The following HECTD2 variants were observed in gnomAD, a reference collection of about 807,000 sequenced individuals.
The protein encoded by HECTD2 is probable E3 ubiquitin-protein ligase HECTD2.
In HECTD2, 35 loss-of-function variants were observed where a neutral mutation model predicts 103.2. The observed-to-expected ratio is 0.34, with a 90% CI of 0.26 to 0.45. The LOEUF (loss-of-function observed/expected upper bound fraction) is 0.45, where lower values mean the gene tolerates loss of function less well. Among genes scored for constraint, HECTD2 ranks in the 20% least tolerant of loss-of-function variants. HECTD2 has a pLI of 1.00. For missense variants in HECTD2, 596 were observed against 937.4 expected (o/e 0.64, Z 4.76); for synonymous variants, 281 against 329.9 (o/e 0.85, Z 1.61).
chr10:91,461,782 C>T (rs1589510109), intron 4 of HECTD2, among the ~76,000 whole-genome samples: 2 of 152,106 alleles, frequency 1.3e-5, no homozygotes, highest in Admixed American at 6.6e-5. Context: ...CTCCCGACCT[C>T]GGGTGATCCT....
At chr10:91,477,574 T>C (rs947862200) in intron 5 of HECTD2, among the ~76,000 whole-genome samples, 3 of 152,172 alleles carry the variant, frequency 2.0e-5, no homozygotes, top group Admixed American at 2.0e-4. Context: ...TATGTGTATA[T>C]GACATAAGAG....
chr10:91,460,141 A>G (rs980333069), intron 2 of HECTD2, among the ~76,000 whole-genome samples: 1 of 152,150 alleles, frequency 6.6e-6, no homozygotes, highest in Non-Finnish European at 1.5e-5. Context: ...AAGAAATGCT[A>G]AATTACATTA....
rs1168595398 is a variant in HECTD2 at position 91,487,490 on chromosome 10, C to A, written c.1095-192C>A. The A allele has an allele frequency of 6.4e-6, 4 of 622,974 alleles. No homozygotes were observed. In the African/African-American group the frequency reaches 7.3e-5, roughly 11 times the overall value. The allele number at this position is 622,974 out of a possible 1,614,324, so 38.6% of individuals were successfully genotyped here. The stretch of plus-strand genomic sequence containing the variant: ...TGCAGAGAATAAAGGCATTGCACAT[C>A]TAGTAATGATACATTCTTCACATGG... On this transcript the variant is annotated intron_variant, in intron 10 of 20. Coordinates refer to ENST00000298068, the MANE Select transcript of HECTD2 (RefSeq NM_182765.6). This position sits in a 1 kb window ranked among gnomAD's most constrained non-coding sequence, Gnocchi z 4.1.
intron 20 of HECTD2, among the ~76,000 whole-genome samples, chr10:91,511,225 TGAAG>T (rs1195000027): frequency 3.9e-5 from 6 of 152,168 alleles, no homozygotes; most frequent in African/African-American, 1.4e-4. Flanking sequence ...TCATAAAGAC[TGAAG>T]GAAAGAGTCT....
intron 1 of HECTD2, among the ~76,000 whole-genome samples, chr10:91,423,655 TGAA>T (rs1348895051): frequency 2.0e-5 from 3 of 152,154 alleles, no homozygotes; most frequent in Non-Finnish European, 4.4e-5. Context: ...TTCTGTGAAA[TGAA>T]GGAGTTAACT....
At chr10:91,452,756 A>C (rs939202644) in intron 2 of HECTD2, among the ~76,000 whole-genome samples, 2 of 152,164 alleles carry the variant, frequency 1.3e-5, no homozygotes, top group Non-Finnish European at 2.9e-5. Context: ...CAGATTTCTC[A>C]TCAGTAACCA....
chr10:91,475,534 T>TA lies in HECTD2; in HGVS notation c.601-2667_601-2666insA, dbSNP rs200095480. On this transcript the variant is annotated intron_variant, in intron 5 of 20. Transcript: ENST00000298068. ...CATAAGCTATAGATAATTGATGACT[T>TA]TAATAAGAGTCTAGTAAGACTTTAA... Among the ~76,000 whole-genome samples, 1,246 of 152,330 alleles carry TA rather than the reference T, an allele frequency of 8.2e-3. 19 individuals carry two copies. Among genetic ancestry groups the TA allele is most frequent in the African/African-American group, 0.029 (1,200 of 41,558 alleles).
intron 2 of HECTD2, among the ~76,000 whole-genome samples, chr10:91,458,221 A>C (rs1207137587): frequency 1.3e-5 from 2 of 152,026 alleles, no homozygotes; most frequent in Non-Finnish European, 2.9e-5. Flanking sequence ...GTTTAAATCT[A>C]GCAAACATTA....
chr10:91,419,422 TTGTC>T (rs1164656210), intron 1 of HECTD2, among the ~76,000 whole-genome samples: 4 of 152,298 alleles, frequency 2.6e-5, no homozygotes, highest in Admixed American at 6.5e-5. Flanking sequence ...CTCTAAGTGT[TTGTC>T]TGTTTAAATA....
chr10:91,486,070 G>A (rs536658943), intron 10 of HECTD2: 2 of 152,224 alleles, frequency 1.3e-5, no homozygotes, highest in Admixed American at 6.5e-5. Context: ...AGATGTTCAG[G>A]AGATTGCATT....
chr10:91,497,285 TTC>T (rs1564735130), intron 15 of HECTD2, among the ~76,000 whole-genome samples: 3 of 143,806 alleles, frequency 2.1e-5, no homozygotes, highest in African/African-American at 8.1e-5. Flanking sequence ...CAGAAAATGT[TTC>T]TTTTTTTTTT....
chr10:91,426,945 A>T (rs951702846), intron 2 of HECTD2, among the ~76,000 whole-genome samples: 1 of 148,940 alleles, frequency 6.7e-6, no homozygotes, highest in Non-Finnish European at 1.5e-5. Flanking sequence ...GGTGTGCTGT[A>T]CCCATTAACT....
chr10:91,426,925 G>A (rs899826946), intron 2 of HECTD2, among the ~76,000 whole-genome samples: 2 of 150,882 alleles, frequency 1.3e-5, no homozygotes, highest in African/African-American at 4.9e-5. Flanking sequence ...ATGTATACAT[G>A]TGCCATGCTG....
intron 1 of HECTD2, among the ~76,000 whole-genome samples, chr10:91,420,802 G>C (rs556565210): frequency 6.6e-6 from 1 of 152,198 alleles, no homozygotes; most frequent in Admixed American, 6.5e-5. Flanking sequence ...TGACATACTA[G>C]GAAGCATCAA....
intron 5 of HECTD2, 77 bp from the exon 6 acceptor site, chr10:91,478,123 AT>A: frequency 1.1e-6 from 1 of 925,220 alleles, no homozygotes; most frequent in Admixed American, 1.8e-5. Flanking sequence ...ATTGAAACAG[AT>A]CTGTAAATAT....
At chr10:91,499,472 C>G (rs921706996) in intron 18 of HECTD2, among the ~76,000 whole-genome samples, 7 of 152,152 alleles carry the variant, frequency 4.6e-5, no homozygotes, top group Non-Finnish European at 8.8e-5. Flanking sequence ...ACGCAGTTAA[C>G]ATGTAGCTCC....
At position 91,419,668 on chromosome 10, in the gene HECTD2, T is replaced by A. The variant is rs114576418; in HGVS notation, c.139-5613T>A. On this transcript the variant is annotated intron_variant, in intron 1 of 20. Coordinates refer to ENST00000298068, the MANE Select transcript of HECTD2 (RefSeq NM_182765.6). ...TATTTATTAGGTTGAAATAAATACATATCTATTATTTAAAGGTTGAAATAT... is the reference window on the plus strand; with the variant it reads ...TATTTATTAGGTTGAAATAAATACAAATCTATTATTTAAAGGTTGAAATAT... 2.0e-3 allele frequency among the ~76,000 whole-genome samples: 302 copies of A among 152,288 alleles called. 1 individual carries two copies. The highest frequency in any genetic ancestry group is 7.0e-3 in the African/African-American group (292 of 41,574).
At chr10:91,421,640 T>G (rs1027343198) in intron 1 of HECTD2, among the ~76,000 whole-genome samples, 1 of 152,224 alleles carries the variant, frequency 6.6e-6, no homozygotes, top group East Asian at 1.9e-4. Context: ...TCTGTTGATA[T>G]ATTACAATAA....
rs1333946597 is a variant in HECTD2, at chr10:91,484,591, A to C, written c.906A>C (p.Glu302Asp). Residue 302 changes from glutamate (E) to aspartate (D), a missense_variant, in exon 9 of 21, where the codon GAA (glutamate) becomes GAC (aspartate). Glu to Asp is a conservative substitution (Grantham distance 45). Around this residue, in one of 4 missense-constraint regions of HECTD2, gnomAD observed 303 missense variants for 522.5 expected, o/e 0.58. Coordinates refer to ENST00000298068, the MANE Select transcript of HECTD2 (RefSeq NM_182765.6). ...GCCTGTTTCCTGCAAAGCCTGAAGA[A>C]TTTCCACCTATAACAAAGTGTTCCT... ...SLRLFPAKPE[E>D]FPPITKCSWW... The C allele has an allele frequency of 6.2e-7, 1 of 1,612,606 alleles. No individual in the cohort carries two copies. The highest frequency in any genetic ancestry group is 8.5e-7 in the Non-Finnish European group (1 of 1,179,038).
Sources: gnomAD v4.1 joint callset for allele counts (sites outside exome capture counted in the v4.1 genomes callset) on GRCh38, gnomAD v4.1.1 for gene constraint, gnomAD v4.1.1 regional missense constraint, Gnocchi (gnomAD v3.1) non-coding constraint, MANE v1.5 for transcripts, NCBI Gene and HGNC (gene_info 2026-07-23, HGNC 2026-07-21) for gene names.